RGS17: variants seen among roughly 807,000 people sequenced by gnomAD.
The protein encoded by RGS17 is regulator of G protein signaling 17, also known as regulator of G-protein signaling 17.
A neutral mutation model predicts 25.5 loss-of-function variants in RGS17; 12 were observed. The ratio of observed to expected loss-of-function variants is 0.47; its 90% CI spans 0.30 to 0.76. The LOEUF (loss-of-function observed/expected upper bound fraction) is 0.76. RGS17 is among the 30% of genes least tolerant of loss of function. The probability of loss-of-function intolerance (pLI) is 0.07; values close to 1 mark genes in which losing one functional copy is unlikely to be tolerated. For missense variants in RGS17, 196 were observed against 242.2 expected, an observed-to-expected ratio of 0.81 and a Z score of 1.27; for synonymous variants, 71 against 76.9, an observed-to-expected ratio of 0.92 and a Z score of 0.40.
chr6:153,037,820 A>T (rs1776269891), intron 2 of RGS17, among the ~76,000 whole-genome samples: 1 of 152,240 alleles, frequency 6.6e-6, no homozygotes, highest in South Asian at 2.1e-4. Context: ...TTCAAATACA[A>T]GATCTATGTA....
intron 1 of RGS17, among the ~76,000 whole-genome samples, chr6:153,066,291 GA>G (rs1456623980): frequency 6.6e-6 from 1 of 152,056 alleles, no homozygotes; most frequent in Non-Finnish European, 1.5e-5. Flanking sequence ...CTGTTGGTGG[GA>G]ACATAAGATT....
At chr6:153,019,681 T>C (rs1779220145) in intron 4 of RGS17, among the ~76,000 whole-genome samples, 2 of 152,172 alleles carry the variant, frequency 1.3e-5, no homozygotes, top group African/African-American at 4.8e-5. Context: ...GTACTTGATC[T>C]CCCTTCATCT....
Position 153,131,201 on chromosome 6 carries a change from C to G in RGS17, c.-103G>C, listed in dbSNP as rs1183655585. 1 of 151,342 alleles carries G rather than the reference C, an allele frequency of 6.6e-6. No homozygotes were observed. The highest frequency in any genetic ancestry group is 2.4e-5 in the African/African-American group (1 of 41,266). The allele number at this position is 151,342 out of a possible 1,614,324, so 9.4% of individuals were successfully genotyped here. On this transcript the variant is annotated 5_prime_UTR_variant, in exon 1 of 5. Coordinates refer to ENST00000206262, the MANE Select transcript of RGS17 (RefSeq NM_012419.5). ...TGGGCGGCTCGGTCCTCTAGCGGAG[C>G]CGGTTTGCTGCCATCCGCCCAACTT...
intron 1 of RGS17, among the ~76,000 whole-genome samples, chr6:153,074,327 T>C (rs1049824049): frequency 6.6e-6 from 1 of 152,110 alleles, no homozygotes; most frequent in Non-Finnish European, 1.5e-5. Context: ...GCTCTGTTGA[T>C]TGCAAGTTAG....
At chr6:153,124,530 A>AT (rs1329729221) in intron 1 of RGS17, among the ~76,000 whole-genome samples, 1 of 152,252 alleles carries the variant, frequency 6.6e-6, no homozygotes, top group Admixed American at 6.5e-5. Context: ...TAACACTTCC[A>AT]TACTGAGTAC....
intron 1 of RGS17, among the ~76,000 whole-genome samples, chr6:153,065,951 T>A (rs187141501): frequency 6.6e-6 from 1 of 151,448 alleles, no homozygotes; most frequent in African/African-American, 2.4e-5. Flanking sequence ...ATAAATGAAT[T>A]TGAAATGAGG....
chr6:153,120,742 T>C (rs1415686410), intron 1 of RGS17, among the ~76,000 whole-genome samples: 1 of 152,242 alleles, frequency 6.6e-6, no homozygotes, highest in African/African-American at 2.4e-5. Flanking sequence ...CATCTAGTGA[T>C]TTCCTGCGAG....
chr6:153,046,214 T>C (rs903625799), intron 1 of RGS17, among the ~76,000 whole-genome samples: 1 of 129,744 alleles, frequency 7.7e-6, no homozygotes, highest in Non-Finnish European at 1.6e-5. Flanking sequence ...GGGAGGGATA[T>C]GGATACATTT....
At chr6:153,039,549 A>G (rs2129109600) in intron 2 of RGS17, among the ~76,000 whole-genome samples, 1 of 152,254 alleles carries the variant, frequency 6.6e-6, no homozygotes, top group African/African-American at 2.4e-5. Flanking sequence ...CACACAGGGA[A>G]CCCTGTTTTG....
intron 1 of RGS17, among the ~76,000 whole-genome samples, chr6:153,127,598 A>G (rs1054393474): frequency 2.6e-5 from 4 of 152,180 alleles, no homozygotes; most frequent in African/African-American, 9.7e-5. Flanking sequence ...GCTTGACCCA[A>G]AATTCATGCT....
intron 1 of RGS17, among the ~76,000 whole-genome samples, chr6:153,047,426 G>C (rs9397126): frequency 0.39 from 58,857 of 152,062 alleles, 12,142 homozygotes; most frequent in East Asian, 0.62. Context: ...CTCAATGTCC[G>C]CATATTATTA....
rs957062231 is a variant in RGS17, at chr6:153,109,309, G to T, written c.-26+21815C>A. The stretch of plus-strand genomic sequence containing the variant: ...TTATTTCACATTTGCATTCCAAAGG[G>T]TACTTTGCCAATGAGTTTATGAGGC... On this transcript the variant is annotated intron_variant, in intron 1 of 4. Coordinates refer to ENST00000206262, the MANE Select transcript of RGS17 (RefSeq NM_012419.5). 2.6e-5 allele frequency among the ~76,000 whole-genome samples: 4 copies of T among 152,050 alleles called. No homozygotes were observed. In the East Asian group the frequency reaches 7.7e-4, roughly 29 times the overall value.
At chr6:153,030,777 A>G (rs1292828) in intron 2 of RGS17, among the ~76,000 whole-genome samples, 123,614 of 152,156 alleles carry the variant, frequency 0.81, 50,474 homozygotes, top group African/African-American at 0.84. Flanking sequence ...TTCATGCAAC[A>G]TTCCCTGGTT....
chr6:153,085,834 C>G (rs573360967), intron 1 of RGS17, among the ~76,000 whole-genome samples: 36 of 152,192 alleles, frequency 2.4e-4, no homozygotes, highest in African/African-American at 7.2e-4. Context: ...ACCCAGTCTG[C>G]AAGTATGAAA....
chr6:153,022,899 C>T (rs1486205186), intron 4 of RGS17, among the ~76,000 whole-genome samples: 1 of 152,012 alleles, frequency 6.6e-6, no homozygotes, highest in Non-Finnish European at 1.5e-5. Context: ...TTACTGATGT[C>T]ACACTGTATT....
chr6:153,125,246 A>G (rs1777687581), intron 1 of RGS17, among the ~76,000 whole-genome samples: 1 of 152,198 alleles, frequency 6.6e-6, no homozygotes, highest in Non-Finnish European at 1.5e-5. Flanking sequence ...TGCTTTGTGA[A>G]CCACAATCAT....
At chr6:153,073,864 C>T (rs1776841080) in intron 1 of RGS17, among the ~76,000 whole-genome samples, 1 of 152,134 alleles carries the variant, frequency 6.6e-6, no homozygotes, top group Admixed American at 6.6e-5. Context: ...TCTGCAGGGG[C>T]AAATGGTGGA....
At chr6:153,105,798 A>G (rs1777371368) in intron 1 of RGS17, among the ~76,000 whole-genome samples, 1 of 152,222 alleles carries the variant, frequency 6.6e-6, no homozygotes, top group Non-Finnish European at 1.5e-5. Flanking sequence ...GGTGGCAGCC[A>G]AGGACAGACA....
At position 153,007,376 on chromosome 6, in the gene RGS17, T is replaced by C. The variant is rs565647337; in HGVS notation, c.*4198A>G. 3 of 152,248 alleles carry C rather than the reference T, an allele frequency of 2.0e-5. No homozygotes were observed. Among genetic ancestry groups the C allele is most frequent in the Admixed American group, 6.5e-5 (1 of 15,294 alleles). 9.4% of individuals were successfully genotyped at this position (152,248 alleles called of 1,614,324 possible). ...AACCCATTGGTCAGAAATTTGAAGA[T>C]GGAAAACACAAAAATACATGTTTGA... On this transcript the variant is annotated 3_prime_UTR_variant, in exon 5 of 5. Transcript: ENST00000206262.
Sources: allele counts gnomAD v4.1 joint callset (sites outside exome capture counted in the v4.1 genomes callset), GRCh38; gene constraint gnomAD v4.1.1; transcripts MANE v1.5; gene names NCBI Gene and HGNC (gene_info 2026-07-23, HGNC 2026-07-21).